Variants in EFEMP1 observed in about 807,000 individuals in gnomAD.
EFEMP1 encodes the protein EGF-like fibulin extracellular matrix protein 1, also known as EGF-containing fibulin-like extracellular matrix protein 1.
In EFEMP1, 18 loss-of-function variants were observed where a neutral mutation model predicts 65.7. The ratio of observed to expected loss-of-function variants is 0.27; its 90% CI spans 0.19 to 0.41. The LOEUF is 0.41. Among genes scored for constraint, EFEMP1 ranks in the 10% least tolerant of loss-of-function variants. EFEMP1 has a pLI of 1.00. For missense variants in EFEMP1, 469 were observed against 624.8 expected (o/e 0.75, Z 2.66); for synonymous variants, 237 against 219.7 (o/e 1.08, Z -0.70).
rs1345691258 is a variant in EFEMP1 at position 55,885,121 on chromosome 2, G to T, written c.518-3387C>A. ...TGATGTTGAGCAAGTGAGTCCAGGA[G>T]TGCAGAGGCTATGAGGTATAAAGCA... On this transcript the variant is annotated intron_variant, in intron 5 of 11. Transcript: ENST00000355426. This position sits in a 1 kb window ranked among gnomAD's most constrained non-coding sequence, Gnocchi z 4.3. 2.0e-5 allele frequency among the ~76,000 whole-genome samples: 3 copies of T among 152,204 alleles called. No individual in the cohort carries two copies. The East Asian group carries it at 5.8e-4, about 29-fold the overall frequency.
At position 55,870,944 on chromosome 2, in the gene EFEMP1, G is replaced by A. The variant is rs371636553; in HGVS notation, c.1125-29C>T. ...CAGAGACAAACAAAAGTATTCAGCA[G>A]TTTGGCTTGGTAAGACCAGAAAATC... On this transcript the variant is annotated intron_variant, in intron 10 of 11. Coordinates refer to ENST00000355426, the MANE Select transcript of EFEMP1 (RefSeq NM_001039348.3). The surrounding 1 kb of genome is among the most constrained non-coding windows in gnomAD (Gnocchi z 5.8). 1.2e-6 allele frequency: 2 copies of A among 1,613,620 alleles called. No homozygotes were observed. The highest frequency in any genetic ancestry group is 1.7e-6 in the Non-Finnish European group (2 of 1,179,780).
At chr2:55,918,080 A>C (rs192212457) in intron 4 of EFEMP1, 29 bp from the exon 5 acceptor site, 15 of 1,614,140 alleles carry the variant, frequency 9.3e-6, no homozygotes, top group African/African-American at 2.7e-5. Flanking sequence ...TAAGTCAGGA[A>C]TCTTCTAAGA....
At position 55,883,112 on chromosome 2, in the gene EFEMP1, C is replaced by T. The variant is rs1165812809; in HGVS notation, c.518-1378G>A. ...GTGGAAATGATAAGAGAGATTCTTTCGATAAGAAAGAGGGAGGGGAGATGA... is the reference window on the plus strand; with the variant it reads ...GTGGAAATGATAAGAGAGATTCTTTTGATAAGAAAGAGGGAGGGGAGATGA... On this transcript the variant is annotated intron_variant, in intron 5 of 11. Transcript: ENST00000355426. The surrounding 1 kb of genome is among the most constrained non-coding windows in gnomAD (Gnocchi z 4.5). Among the ~76,000 whole-genome samples, 1 of 151,932 alleles carries T rather than the reference C, an allele frequency of 6.6e-6. No homozygotes were observed. The highest frequency in any genetic ancestry group is 2.4e-5 in the African/African-American group (1 of 41,370).
rs1482856451 is a variant in EFEMP1, at chr2:55,919,330, CA to C, written c.82-1064del. On this transcript the variant is annotated intron_variant, in intron 3 of 11. Coordinates refer to ENST00000355426, the MANE Select transcript of EFEMP1 (RefSeq NM_001039348.3). This position sits in a 1 kb window ranked among gnomAD's most constrained non-coding sequence, Gnocchi z 4.5. ...AGCTTTATTGTGTCTAAGGATCATTCAGGGTTCTTGTTAAAATGAAGATTCC... is the reference window on the plus strand; with the variant it reads ...AGCTTTATTGTGTCTAAGGATCATTCGGGTTCTTGTTAAAATGAAGATTCC... Among the ~76,000 whole-genome samples the C allele has an allele frequency of 6.6e-6, 1 of 152,190 alleles. No homozygotes were observed. The highest frequency in any genetic ancestry group is 2.4e-5 in the African/African-American group (1 of 41,438).
rs1668646186 is a variant in EFEMP1 at position 55,867,950 on chromosome 2, G to A, written c.1321-716C>T. Among the ~76,000 whole-genome samples, 1 of 152,140 alleles carries A rather than the reference G, an allele frequency of 6.6e-6. No homozygotes were observed. On this transcript the variant is annotated intron_variant, in intron 11 of 11. Transcript: ENST00000355426. The surrounding 1 kb of genome is among the most constrained non-coding windows in gnomAD (Gnocchi z 4.3). ...TGGATGTGTGAGTTTGAATGCCAAG[G>A]GATAGAGTCATGGATTAGTATTTAG... is the stretch of plus-strand genomic sequence containing the variant.
intron 5 of EFEMP1, among the ~76,000 whole-genome samples, chr2:55,903,112 C>G (rs1012282638): frequency 6.6e-6 from 1 of 152,212 alleles, no homozygotes; most frequent in African/African-American, 2.4e-5. Flanking sequence ...GAACTTTTGT[C>G]TCTTGCTTAG....
chr2:55,911,099 G>A (rs1335511205), intron 5 of EFEMP1, among the ~76,000 whole-genome samples: 1 of 152,124 alleles, frequency 6.6e-6, no homozygotes, highest in Non-Finnish European at 1.5e-5. Context: ...TTGCATATTT[G>A]TAGGTTTCAT....
intron 7 of EFEMP1, 112 bp from the exon 8 acceptor site, chr2:55,876,854 AAGTG>A (rs753650394): frequency 1.6e-4 from 86 of 533,710 alleles, no homozygotes; most frequent in Admixed American, 1.5e-3. Context: ...ATCTGCTGAC[AAGTG>A]AGTAATTCCC....
chr2:55,895,751 C>T (rs550165794), intron 5 of EFEMP1, among the ~76,000 whole-genome samples: 28 of 151,738 alleles, frequency 1.8e-4, no homozygotes, highest in African/African-American at 5.1e-4. Flanking sequence ...CTGTGTTAGC[C>T]AGGATTGTCT....
chr2:55,879,600 A>G (rs1196111651), intron 6 of EFEMP1, among the ~76,000 whole-genome samples: 3 of 152,184 alleles, frequency 2.0e-5, no homozygotes, highest in African/African-American at 4.8e-5. Context: ...ATCAGTATAC[A>G]TGTGTTCTGC....
At chr2:55,909,639 C>T (rs996013305) in intron 5 of EFEMP1, among the ~76,000 whole-genome samples, 6 of 152,148 alleles carry the variant, frequency 3.9e-5, no homozygotes, top group African/African-American at 7.2e-5. Flanking sequence ...CCCATTCCAG[C>T]GAGGAAACAG....
intron 5 of EFEMP1, among the ~76,000 whole-genome samples, chr2:55,901,644 T>A (rs998763278): frequency 6.6e-6 from 1 of 152,180 alleles, no homozygotes. Context: ...ATTCTAGGTT[T>A]AACTCTAAAT....
intron 5 of EFEMP1, among the ~76,000 whole-genome samples, chr2:55,898,427 A>T (rs1177366921): frequency 6.6e-6 from 1 of 152,192 alleles, no homozygotes; most frequent in Non-Finnish European, 1.5e-5. Context: ...TCCAGAAAAT[A>T]GTCCTTACGT....
intron 5 of EFEMP1, among the ~76,000 whole-genome samples, chr2:55,909,041 G>A (rs868811151): frequency 6.6e-6 from 1 of 152,046 alleles, no homozygotes; most frequent in African/African-American, 2.4e-5. Flanking sequence ...AGCTTAAAAC[G>A]GGGACAAGGT....
chr2:55,911,752 A>T (rs538578144), intron 5 of EFEMP1, among the ~76,000 whole-genome samples: 8 of 152,226 alleles, frequency 5.3e-5, no homozygotes, highest in African/African-American at 1.9e-4. Context: ...CAGGAGAGTG[A>T]TCATACTGAC....
rs545764568 is a variant in EFEMP1, at chr2:55,916,890, C to G, written c.517+775G>C. The stretch of plus-strand genomic sequence containing the variant: ...ATTCTTATCACTTTGCTAATACGAG[C>G]CTACAGCTGTTTCTAGAATACACAG... On this transcript the variant is annotated intron_variant, in intron 5 of 11. Coordinates refer to ENST00000355426, the MANE Select transcript of EFEMP1 (RefSeq NM_001039348.3). 2.6e-5 allele frequency among the ~76,000 whole-genome samples: 4 copies of G among 152,310 alleles called. 1 individual carries two copies. The highest frequency in any genetic ancestry group is 9.6e-5 in the African/African-American group (4 of 41,562).
At chr2:55,880,769 A>G (rs74968080) in intron 6 of EFEMP1, among the ~76,000 whole-genome samples, 4,137 of 152,302 alleles carry the variant, frequency 0.027, 189 homozygotes, top group African/African-American at 0.093. Flanking sequence ...TTGAGCCCAG[A>G]GTACTGTATT....
At chr2:55,893,900 C>T (rs1218224662) in intron 5 of EFEMP1, among the ~76,000 whole-genome samples, 3 of 152,206 alleles carry the variant, frequency 2.0e-5, no homozygotes, top group Admixed American at 1.3e-4. Context: ...TGACCTTCCC[C>T]TCCTTTGGCA....
Position 55,871,099 on chromosome 2 carries a change from T to C in EFEMP1, c.1025A>G (p.Asn342Ser). ...ACACATTTCATCCTCCCGGCATTCA[T>C]TTGTGGTCTCACACTCATTTATATC... ...CQDINECETT[N>S]ECREDEMCWN... Residue 342 changes from asparagine (N) to serine (S), a missense_variant, in exon 10 of 12, where the codon AAT (asparagine) becomes AGT (serine). Transcript: ENST00000355426. This position sits in a 1 kb window ranked among gnomAD's most constrained non-coding sequence, Gnocchi z 4.2. 6.2e-7 allele frequency: 1 copy of C among 1,613,690 alleles called. No homozygotes were observed. Among genetic ancestry groups the C allele is most frequent in the Non-Finnish European group, 8.5e-7 (1 of 1,179,716 alleles).
Sources: allele counts gnomAD v4.1 joint callset (sites outside exome capture counted in the v4.1 genomes callset), GRCh38; gene constraint gnomAD v4.1.1; non-coding constraint Gnocchi (gnomAD v3.1); transcripts MANE v1.5; gene names NCBI Gene and HGNC (gene_info 2026-07-23, HGNC 2026-07-21).